Variants in PPFIA3 observed in about 807,000 individuals in gnomAD.
The protein encoded by PPFIA3 is liprin-alpha-3.
Under a neutral mutation model 145.8 loss-of-function variants are expected in PPFIA3, and 26 were observed. The observed-to-expected ratio is 0.18, with a 90% CI of 0.13 to 0.25. The LOEUF (loss-of-function observed/expected upper bound fraction) is 0.25. Ranked by LOEUF, PPFIA3 falls within the 10% of genes least tolerant of loss-of-function variation. The pLI is 1.00. For missense variants in PPFIA3, 1,008 were observed against 1,587.8 expected (o/e 0.63, Z 6.21); for synonymous variants, 645 against 661.4 (o/e 0.98, Z 0.38).
chr19:49,124,055 A>G (rs1347252000), intron 1 of PPFIA3, among the ~76,000 whole-genome samples: 1 of 151,626 alleles, frequency 6.6e-6, no homozygotes, highest in Admixed American at 6.6e-5. Context: ...CATCCTTTTG[A>G]TCCCTCCCCC....
Position 49,150,064 on chromosome 19 carries a change from C to T in PPFIA3, c.3527-16C>T. On this transcript the variant is annotated splice_polypyrimidine_tract_variant and intron_variant, in intron 28 of 29. Coordinates refer to ENST00000334186, the MANE Select transcript of PPFIA3 (RefSeq NM_003660.4). Reference sequence around the variant, plus strand: ...GAGGGTGCTCCAGGCTGAACCGCTGCTCGCTCTCCCTCCAGGCCAGACTTC... The same window carrying T: ...GAGGGTGCTCCAGGCTGAACCGCTGTTCGCTCTCCCTCCAGGCCAGACTTC... 1.2e-6 allele frequency: 2 copies of T among 1,604,146 alleles called. No individual in the cohort carries two copies. Among genetic ancestry groups the T allele is most frequent in the Non-Finnish European group, 8.5e-7 (1 of 1,175,912 alleles).
rs914617352 is a variant in PPFIA3 at position 49,150,507 on chromosome 19, A to C, written c.*285A>C. The C allele has an allele frequency of 3.3e-5, 6 of 182,124 alleles. No individual in the cohort carries two copies. The highest frequency in any genetic ancestry group is 6.9e-5 in the Non-Finnish European group (6 of 87,368). The allele number at this position is 182,124 out of a possible 1,614,324, so 11.3% of individuals were successfully genotyped here. A position where few individuals can be genotyped will look rare whatever the true frequency, so the allele number is the denominator to read the frequency against. The stretch of plus-strand genomic sequence containing the variant: ...TTCTCTACTTTGTAATTTATTGATC[A>C]GTTTCTGTTGGGAGACGGGTGTCCT... On this transcript the variant is annotated 3_prime_UTR_variant, in exon 30 of 30. Transcript: ENST00000334186.
chr19:49,142,590 C>T (rs1370050243), intron 20 of PPFIA3, among the ~76,000 whole-genome samples: 1 of 132,882 alleles, frequency 7.5e-6, no homozygotes, highest in Admixed American at 7.7e-5. Context: ...CGCCCCCCGC[C>T]CCCCGTTTCT....
chr19:49,149,402 C>T lies in PPFIA3; in HGVS notation c.3354+77C>T. The T allele has an allele frequency of 1.9e-6, 3 of 1,593,834 alleles. No individual in the cohort carries two copies. The highest frequency in any genetic ancestry group is 1.1e-5 in the South Asian group (1 of 90,612). On this transcript the variant is annotated intron_variant, in intron 27 of 29. Transcript: ENST00000334186. The surrounding 1 kb of genome is among the most constrained non-coding windows in gnomAD (Gnocchi z 5.7). ...GCTGAGCTGAGGGGGCGGGGCCTGA[C>T]TATTAATGGTCACGGTTGGAGGCGG...
Position 49,128,390 on chromosome 19 carries a change from G to T in PPFIA3, c.264G>T (p.Glu88Asp). The change falls in exon 3 of 30, where the codon GAG becomes GAT. Residue 88 changes from glutamate to aspartate, a missense_variant. Glu to Asp is a conservative substitution (Grantham distance 45). Transcript: ENST00000334186. The surrounding 1 kb of genome is among the most constrained non-coding windows in gnomAD (Gnocchi z 4.1). ...LPQEFAALTK[E>D]LNLCREQLLE... ...AGGAGTTTGCAGCTCTGACGAAGGA[G>T]CTGAACTTATGTCGGGAGCAGCTGC... 5 of 1,613,938 alleles carry T rather than the reference G, an allele frequency of 3.1e-6. No homozygotes were observed. Among genetic ancestry groups the T allele is most frequent in the Non-Finnish European group, 2.5e-6 (3 of 1,179,980 alleles).
At position 49,133,645 on chromosome 19, in the gene PPFIA3, T is replaced by A; in HGVS notation, c.1162-151T>A. The A allele has an allele frequency of 1.1e-6, 1 of 918,878 alleles. No individual in the cohort carries two copies. Among genetic ancestry groups the A allele is most frequent in the Non-Finnish European group, 1.7e-6 (1 of 579,986 alleles). 56.9% of individuals were successfully genotyped at this position (918,878 alleles called of 1,614,324 possible). A position where few individuals can be genotyped will look rare whatever the true frequency, so the allele number is the denominator to read the frequency against. On this transcript the variant is annotated intron_variant, in intron 9 of 29. Coordinates refer to ENST00000334186, the MANE Select transcript of PPFIA3 (RefSeq NM_003660.4). The surrounding 1 kb of genome is among the most constrained non-coding windows in gnomAD (Gnocchi z 7.2). Reference sequence around the variant, plus strand: ...AGGAACAGGTCCTGAAAAAGTGGACTAGGCGCAGGGGCGGGGCCTGACTCA... The same window carrying A: ...AGGAACAGGTCCTGAAAAAGTGGACAAGGCGCAGGGGCGGGGCCTGACTCA...
intron 11 of PPFIA3, 134 bp from the exon 12 acceptor site, chr19:49,134,505 G>A (rs962369141): frequency 2.3e-6 from 2 of 859,098 alleles, no homozygotes; most frequent in African/African-American, 1.7e-5. Context: ...CTGCTCCCCC[G>A]AAACTCACCA....
At chr19:49,146,117 C>T (rs1329442512) in intron 22 of PPFIA3, 49 bp from the exon 23 acceptor site, 2 of 1,612,474 alleles carry the variant, frequency 1.2e-6, no homozygotes, top group Admixed American at 1.7e-5. Flanking sequence ...CCTCCTCTGC[C>T]TGCCCCTTAA....
chr19:49,145,116 A>C (rs1221392182), intron 21 of PPFIA3, among the ~76,000 whole-genome samples: 1 of 151,738 alleles, frequency 6.6e-6, no homozygotes, highest in African/African-American at 2.4e-5. Context: ...TTTTTAGTAG[A>C]GATAGGGTTT....
intron 1 of PPFIA3, among the ~76,000 whole-genome samples, chr19:49,121,977 A>G (rs935836616): frequency 6.6e-6 from 1 of 151,278 alleles, no homozygotes; most frequent in African/African-American, 2.4e-5. Context: ...GCATTGCTCC[A>G]TGTTCTAGAT....
chr19:49,145,592 C>T (rs527484342), intron 21 of PPFIA3: 91 of 305,544 alleles, frequency 3.0e-4, no homozygotes, highest in Middle Eastern at 2.1e-3. Context: ...GAACCCCCCC[C>T]GCCATACTCC....
In PPFIA3 at chr19:49,129,327, G is replaced by A. The variant is rs1038178971; in HGVS notation, c.508-53G>A. 6 of 1,536,322 alleles carry A rather than the reference G, an allele frequency of 3.9e-6. No homozygotes were observed. In the African/African-American group the frequency reaches 8.2e-5, roughly 21 times the overall value. ...GGGGTGTTCTGGACCAGGGGCAACT[G>A]TCCTAAACTGGATCTTGTCTCCAGC... On this transcript the variant is annotated intron_variant, in intron 4 of 29. Transcript: ENST00000334186.
intron 21 of PPFIA3, among the ~76,000 whole-genome samples, chr19:49,143,337 C>T (rs951609483): frequency 2.6e-5 from 4 of 152,196 alleles, no homozygotes; most frequent in African/African-American, 9.7e-5. Context: ...CTAATTTTCC[C>T]CATAGCATTT....
Position 49,141,572 on chromosome 19 carries a change from G to A in PPFIA3, c.2462+59G>A, listed in dbSNP as rs573774772. ...TATGTGAATGTGAGAGTGTGTGAGG[G>A]TGTGTGTGTGCGTGTATGTGTGTGT... is the stretch of plus-strand genomic sequence containing the variant. On this transcript the variant is annotated intron_variant, in intron 19 of 29. Transcript: ENST00000334186. 308 of 1,326,716 alleles carry A rather than the reference G, an allele frequency of 2.3e-4. No homozygotes were observed. The African/African-American group carries it at 5.4e-3, about 23-fold the overall frequency. The allele number at this position is 1,326,716 out of a possible 1,614,324, so 82.2% of individuals were successfully genotyped here.
intron 13 of PPFIA3, 87 bp downstream of exon 13, chr19:49,135,002 C>A (rs2041120615): frequency 8.7e-7 from 1 of 1,146,558 alleles, no homozygotes; most frequent in Non-Finnish European, 1.2e-6. Context: ...CACTTCCTGT[C>A]CTCCTGAGAC....
chr19:49,134,351 A>G (rs1047926613), intron 11 of PPFIA3, among the ~76,000 whole-genome samples, 186 bp downstream of exon 11: 1 of 152,144 alleles, frequency 6.6e-6, no homozygotes, highest in Non-Finnish European at 1.5e-5. Flanking sequence ...AGACGTTCCA[A>G]GAGCCGAATT....
chr19:49,142,659 CT>C (rs1281440367), intron 20 of PPFIA3, 144 bp from the exon 21 acceptor site: 1 of 484,118 alleles, frequency 2.1e-6, no homozygotes, highest in Non-Finnish European at 3.6e-6. Context: ...TTTCCTTGTC[CT>C]GTTTCTTCTC....
chr19:49,132,613 G>A (rs1013765627), intron 7 of PPFIA3, among the ~76,000 whole-genome samples: 2 of 151,964 alleles, frequency 1.3e-5, no homozygotes, highest in Non-Finnish European at 2.9e-5. Flanking sequence ...CTAGGTAGAA[G>A]GGATCCTTAT....
At position 49,120,449 on chromosome 19, in the gene PPFIA3, G is replaced by A. The variant is rs376089731; in HGVS notation, c.-16+727G>A. Among the ~76,000 whole-genome samples the A allele has an allele frequency of 9.9e-5, 15 of 152,240 alleles. No individual in the cohort carries two copies. The highest frequency in any genetic ancestry group is 9.7e-4 in the East Asian group (5 of 5,172). ...GCTTCTGAATTTTCCTATTCTGGTC[G>A]CCGTGGGGACCATGGCACCCGGGGA... On this transcript the variant is annotated intron_variant, in intron 1 of 29. Coordinates refer to ENST00000334186, the MANE Select transcript of PPFIA3 (RefSeq NM_003660.4). This position sits in a 1 kb window ranked among gnomAD's most constrained non-coding sequence, Gnocchi z 4.6.
Sources: allele counts gnomAD v4.1 joint callset (sites outside exome capture counted in the v4.1 genomes callset), GRCh38; gene constraint gnomAD v4.1.1; non-coding constraint Gnocchi (gnomAD v3.1); transcripts MANE v1.5; gene names NCBI Gene and HGNC (gene_info 2026-07-23, HGNC 2026-07-21).